The following EDIL3 variants were observed in gnomAD, a reference collection of about 807,000 sequenced individuals.
EDIL3 encodes the protein EGF-like repeat and discoidin I-like domain-containing protein 3.
EDIL3 carries 37 observed loss-of-function variants against 67.4 expected under a neutral mutation model. The observed-to-expected ratio is 0.55, with a 90% CI of 0.42 to 0.72. The LOEUF is 0.72. EDIL3 is among the 30% of genes least tolerant of loss of function. The pLI, the probability that EDIL3 is intolerant of heterozygous loss-of-function variation, is 0.00. For synonymous variants in EDIL3, 195 were observed against 196.3 expected (o/e 0.99, Z 0.05); for missense variants, 527 against 586.3 (o/e 0.90, Z 1.04).
intron 3 of EDIL3, among the ~76,000 whole-genome samples, chr5:84,219,503 C>A (rs1267285448): frequency 6.6e-6 from 1 of 152,018 alleles, no homozygotes; most frequent in East Asian, 1.9e-4. Context: ...GTATTATACA[C>A]TGTTGGTGGG....
intron 1 of EDIL3, among the ~76,000 whole-genome samples, chr5:84,376,483 C>A (rs1196135846): frequency 2.0e-5 from 3 of 152,140 alleles, no homozygotes; most frequent in Non-Finnish European, 4.4e-5. Context: ...AGGTTCATAA[C>A]AAACACAGTT....
chr5:83,944,597 A>C (rs142206051), intron 10 of EDIL3, among the ~76,000 whole-genome samples: 1 of 151,902 alleles, frequency 6.6e-6, no homozygotes, highest in African/African-American at 2.4e-5. Context: ...CTTTATCTGA[A>C]GATTTTATCC....
intron 4 of EDIL3, among the ~76,000 whole-genome samples, chr5:84,177,000 C>G (rs922449257): frequency 6.6e-6 from 1 of 151,994 alleles, no homozygotes; most frequent in East Asian, 1.9e-4. Context: ...GCTAAGGATA[C>G]AAAACAGCCA....
At chr5:84,339,452 T>C (rs898779133) in intron 1 of EDIL3, among the ~76,000 whole-genome samples, 3 of 152,134 alleles carry the variant, frequency 2.0e-5, no homozygotes, top group Non-Finnish European at 4.4e-5. Flanking sequence ...ATCCTGTATT[T>C]TTTATATTTA....
chr5:84,192,241 A>G (rs1254579251), intron 3 of EDIL3, among the ~76,000 whole-genome samples: 1 of 151,722 alleles, frequency 6.6e-6, no homozygotes, highest in East Asian at 1.9e-4. Flanking sequence ...TCCTGCTCTT[A>G]CACATCCTCC....
At chr5:84,062,090 C>T (rs764967526) in intron 8 of EDIL3, among the ~76,000 whole-genome samples, 2 of 151,784 alleles carry the variant, frequency 1.3e-5, no homozygotes, top group African/African-American at 2.4e-5. Context: ...TGTCTTAACA[C>T]GAGTACATTT....
At chr5:84,182,197 C>T (rs530928841) in intron 3 of EDIL3, among the ~76,000 whole-genome samples, 2 of 151,772 alleles carry the variant, frequency 1.3e-5, no homozygotes, top group Admixed American at 1.3e-4. Flanking sequence ...GAGGCTGAGG[C>T]GGGCAGATTG....
At chr5:84,200,211 T>C (rs1371057744) in intron 3 of EDIL3, among the ~76,000 whole-genome samples, 1 of 152,120 alleles carries the variant, frequency 6.6e-6, no homozygotes, top group Non-Finnish European at 1.5e-5. Flanking sequence ...GGCACATGTA[T>C]ACATACATAA....
intron 1 of EDIL3, among the ~76,000 whole-genome samples, chr5:84,347,512 G>A (rs934276118): frequency 6.6e-5 from 10 of 152,018 alleles, no homozygotes; most frequent in African/African-American, 2.2e-4. Context: ...ATAAATATAC[G>A]TAACTATATT....
At chr5:84,245,681 T>C (rs778972986) in intron 2 of EDIL3, among the ~76,000 whole-genome samples, 4 of 152,102 alleles carry the variant, frequency 2.6e-5, no homozygotes, top group Non-Finnish European at 4.4e-5. Flanking sequence ...GAGTCTTCTA[T>C]AGATTGCTTT....
At chr5:84,342,408 C>T (rs1345123258) in intron 1 of EDIL3, among the ~76,000 whole-genome samples, 2 of 151,850 alleles carry the variant, frequency 1.3e-5, no homozygotes, top group Non-Finnish European at 1.5e-5. Flanking sequence ...ACAATGGAGA[C>T]TCAGAAAGGT....
At chr5:84,332,966 C>G (rs577668430) in intron 1 of EDIL3, among the ~76,000 whole-genome samples, 1 of 152,238 alleles carries the variant, frequency 6.6e-6, no homozygotes, top group African/African-American at 2.4e-5. Flanking sequence ...AAATGAAAAA[C>G]TAATCATGAT....
chr5:84,257,207 T>C (rs1580401918), intron 1 of EDIL3, among the ~76,000 whole-genome samples: 3 of 152,266 alleles, frequency 2.0e-5, no homozygotes, highest in South Asian at 4.2e-4. Flanking sequence ...CCATGGCCCC[T>C]CTGCTGCCCT....
intron 1 of EDIL3, among the ~76,000 whole-genome samples, chr5:84,322,094 A>G (rs530574237): frequency 6.6e-5 from 10 of 151,412 alleles, no homozygotes; most frequent in African/African-American, 1.9e-4. Flanking sequence ...TAAGCAAAAC[A>G]CCCTGAAAAG....
At chr5:84,305,920 T>C (rs1305358946) in intron 1 of EDIL3, among the ~76,000 whole-genome samples, 3 of 149,210 alleles carry the variant, frequency 2.0e-5, no homozygotes, top group African/African-American at 7.6e-5. Context: ...AATAAATAAA[T>C]AGATAGATAA....
chr5:84,045,598 C>A (rs1211001913), intron 9 of EDIL3, among the ~76,000 whole-genome samples: 1 of 152,080 alleles, frequency 6.6e-6, no homozygotes, highest in Non-Finnish European at 1.5e-5. Flanking sequence ...ATAAATGTGT[C>A]CTTAGTCACA....
chr5:84,029,256 CAAACA>C (rs372002997), intron 9 of EDIL3, among the ~76,000 whole-genome samples: 9 of 151,992 alleles, frequency 5.9e-5, no homozygotes, highest in African/African-American at 1.2e-4. Context: ...CTCCATCTCA[CAAACA>C]AAACAAAACA....
At chr5:84,131,478 C>CA (rs1425992301) in intron 5 of EDIL3, among the ~76,000 whole-genome samples, 4 of 152,150 alleles carry the variant, frequency 2.6e-5, no homozygotes, top group South Asian at 4.1e-4. Context: ...CTTTACCCTA[C>CA]AAAAAACAGG....
chr5:84,221,411 G>C (rs932483130), intron 3 of EDIL3, among the ~76,000 whole-genome samples: 3 of 151,988 alleles, frequency 2.0e-5, no homozygotes, highest in Non-Finnish European at 4.4e-5. Context: ...TTTCCAAAGT[G>C]CCTACTGGCA....
Sources: allele counts gnomAD v4.1 joint callset (sites outside exome capture counted in the v4.1 genomes callset), GRCh38; gene constraint gnomAD v4.1.1; transcripts MANE v1.5; gene names NCBI Gene and HGNC (gene_info 2026-07-23, HGNC 2026-07-21).